SMAP1: variants seen among roughly 807,000 people sequenced by gnomAD.
The protein encoded by SMAP1 is small ArfGAP 1, also known as stromal membrane-associated protein 1.
A neutral mutation model predicts 58.5 loss-of-function variants in SMAP1; 24 were observed. The observed-to-expected ratio is 0.41, with a 90% CI of 0.30 to 0.58. The LOEUF is 0.58. Ranked by LOEUF, SMAP1 falls within the 20% of genes least tolerant of loss-of-function variation. The pLI, the probability that SMAP1 is intolerant of heterozygous loss-of-function variation, is 0.29. For missense variants in SMAP1, 563 were observed against 566.3 expected, an observed-to-expected ratio of 0.99 and a Z score of 0.06; for synonymous variants, 216 against 196.6, an observed-to-expected ratio of 1.10 and a Z score of -0.82.
chr6:70,744,526 T>C (rs1431889709), intron 2 of SMAP1, among the ~76,000 whole-genome samples: 3 of 152,242 alleles, frequency 2.0e-5, no homozygotes, highest in East Asian at 3.8e-4. Flanking sequence ...GGCTGCATAG[T>C]ATTCCATGGT....
At chr6:70,776,302 C>T (rs146006965) in intron 4 of SMAP1, among the ~76,000 whole-genome samples, 3,059 of 152,266 alleles carry the variant, frequency 0.02, 97 homozygotes, top group African/African-American at 0.07. Flanking sequence ...TCTGCCTCAG[C>T]CTCCCGAGTA....
chr6:70,727,343 A>T (rs569797219), intron 1 of SMAP1, among the ~76,000 whole-genome samples: 1 of 152,238 alleles, frequency 6.6e-6, no homozygotes, highest in South Asian at 2.1e-4. Context: ...TCCTGGCCTT[A>T]AGTTATCTGC....
chr6:70,769,363 C>A (rs1767163110), intron 3 of SMAP1, among the ~76,000 whole-genome samples: 1 of 152,082 alleles, frequency 6.6e-6, no homozygotes, highest in African/African-American at 2.4e-5. Context: ...TTAAAGTCTC[C>A]CATTATTATT....
At chr6:70,740,904 G>C (rs1309810590) in intron 2 of SMAP1, among the ~76,000 whole-genome samples, 1 of 152,184 alleles carries the variant, frequency 6.6e-6, no homozygotes, top group Non-Finnish European at 1.5e-5. Flanking sequence ...CAGCAGACAA[G>C]AATGGGAGCT....
chr6:70,715,103 CT>C (rs34027498), intron 1 of SMAP1, among the ~76,000 whole-genome samples: 82,042 of 108,986 alleles, frequency 0.75, 30,069 homozygotes, highest in East Asian at 0.95. Context: ...TTTTTTTTTC[CT>C]TTTTTTTTTT....
chr6:70,672,657 T>C (rs1766316715), intron 1 of SMAP1, among the ~76,000 whole-genome samples: 1 of 152,104 alleles, frequency 6.6e-6, no homozygotes, highest in Non-Finnish European at 1.5e-5. Context: ...CAAATGTAAC[T>C]TAGCAAATAT....
chr6:70,676,428 CT>C (rs1223710416), intron 1 of SMAP1, among the ~76,000 whole-genome samples: 1 of 152,074 alleles, frequency 6.6e-6, no homozygotes, highest in Non-Finnish European at 1.5e-5. Context: ...CTTTTATAAC[CT>C]GGGGAAATTG....
At chr6:70,668,436 TG>T in intron 1 of SMAP1, 3 of 1,281,226 alleles carry the variant, frequency 2.3e-6, no homozygotes, top group East Asian at 2.6e-5. Context: ...TCCACAGGGC[TG>T]GGGGTAGGAG....
chr6:70,835,690 A>G (rs1490524268), intron 6 of SMAP1, among the ~76,000 whole-genome samples: 3 of 152,072 alleles, frequency 2.0e-5, no homozygotes, highest in Non-Finnish European at 4.4e-5. Context: ...CATTTTTTGT[A>G]GAGACAGACT....
chr6:70,860,485 T>C lies in SMAP1; in HGVS notation c.*151T>C, dbSNP rs1015648957. 1.3e-6 allele frequency: 1 copy of C among 749,484 alleles called. No homozygotes were observed. Among genetic ancestry groups the C allele is most frequent in the Non-Finnish European group, 1.9e-6 (1 of 525,926 alleles). The allele number at this position is 749,484 out of a possible 1,614,324, so 46.4% of individuals were successfully genotyped here. A position where few individuals can be genotyped will look rare whatever the true frequency, so the allele number is the denominator to read the frequency against. On this transcript the variant is annotated 3_prime_UTR_variant, in exon 11 of 11. Coordinates refer to ENST00000370455, the MANE Select transcript of SMAP1 (RefSeq NM_001044305.3). Reference sequence around the variant, plus strand: ...TCTGATTGACCGTGTTGGTCTGTACTGATTCAATTTGATGTGGTGAAAAGC... The same window carrying C: ...TCTGATTGACCGTGTTGGTCTGTACCGATTCAATTTGATGTGGTGAAAAGC...
chr6:70,843,593 A>G (rs866354010), intron 7 of SMAP1, among the ~76,000 whole-genome samples: 2 of 152,220 alleles, frequency 1.3e-5, no homozygotes, highest in Non-Finnish European at 2.9e-5. Flanking sequence ...TCTTAACACT[A>G]TGTTGAGCTG....
chr6:70,748,710 T>G (rs1766149658), intron 2 of SMAP1, among the ~76,000 whole-genome samples: 1 of 152,086 alleles, frequency 6.6e-6, no homozygotes, highest in East Asian at 1.9e-4. Context: ...TCTAATTATT[T>G]TATTTAGTTG....
intron 1 of SMAP1, among the ~76,000 whole-genome samples, chr6:70,726,877 GTGT>G (rs1562117579): frequency 0.012 from 210 of 17,028 alleles, no homozygotes; most frequent in African/African-American, 0.029. Flanking sequence ...TTTTAGGGGT[GTGT>G]GTGTGTGTGT....
At chr6:70,798,920 T>G (rs1442466051) in intron 6 of SMAP1, among the ~76,000 whole-genome samples, 183 bp downstream of exon 6, 2 of 152,078 alleles carry the variant, frequency 1.3e-5, no homozygotes, top group Non-Finnish European at 2.9e-5. Flanking sequence ...TTGTAATCAG[T>G]TATCTATATG....
At position 70,858,108 on chromosome 6, in the gene SMAP1, G is replaced by A; in HGVS notation, c.1148G>A (p.Gly383Asp). The change falls in exon 10 of 11, where the codon GGT becomes GAT. Residue 383 changes from glycine to aspartate, a missense_variant. By Grantham distance (94) the Gly-to-Asp change is moderately conservative. Transcript: ENST00000370455. ...GGGTTTATGGGAAATGCACAAACTGGTGTGATGCCACTTCCTCAGAACGTT... is the reference window on the plus strand; with the variant it reads ...GGGTTTATGGGAAATGCACAAACTGATGTGATGCCACTTCCTCAGAACGTT... The part of the protein sequence containing the change: ...PNGFMGNAQT[G>D]VMPLPQNVVG... The A allele has an allele frequency of 2.5e-6, 4 of 1,614,050 alleles. No homozygotes were observed. The highest frequency in any genetic ancestry group is 1.7e-6 in the Non-Finnish European group (2 of 1,179,994).
intron 2 of SMAP1, among the ~76,000 whole-genome samples, chr6:70,745,534 T>C (rs1269138100): frequency 6.6e-6 from 1 of 152,210 alleles, no homozygotes; most frequent in African/African-American, 2.4e-5. Flanking sequence ...TTGGTCTATC[T>C]CTCTGTTTTG....
At chr6:70,724,043 CTTA>C (rs1768650297) in intron 1 of SMAP1, among the ~76,000 whole-genome samples, 2 of 150,400 alleles carry the variant, frequency 1.3e-5, no homozygotes, top group Admixed American at 6.6e-5. Context: ...AAAATGTTTT[CTTA>C]TTATTTAATG....
intron 8 of SMAP1, among the ~76,000 whole-genome samples, chr6:70,854,447 C>A (rs889997085): frequency 2.0e-5 from 3 of 151,990 alleles, no homozygotes; most frequent in Non-Finnish European, 4.4e-5. Flanking sequence ...CATGGTGAAA[C>A]CCCATCTCTC....
At chr6:70,727,610 A>G (rs929448928) in intron 1 of SMAP1, among the ~76,000 whole-genome samples, 6 of 152,268 alleles carry the variant, frequency 3.9e-5, no homozygotes, top group African/African-American at 1.4e-4. Flanking sequence ...CAAAATAAAC[A>G]CATAATAGAT....
Sources: gnomAD v4.1 joint callset for allele counts (sites outside exome capture counted in the v4.1 genomes callset) on GRCh38, gnomAD v4.1.1 for gene constraint, MANE v1.5 for transcripts, NCBI Gene and HGNC (gene_info 2026-07-23, HGNC 2026-07-21) for gene names.